The following FBXW4 variants were observed in gnomAD, a reference collection of about 807,000 sequenced individuals.
FBXW4 encodes the protein F-box and WD repeat domain containing 4.
FBXW4 carries 40 observed loss-of-function variants against 61.8 expected under a neutral mutation model. The ratio of observed to expected loss-of-function variants is 0.65; its 90% CI spans 0.50 to 0.84. The LOEUF (loss-of-function observed/expected upper bound fraction) is 0.84. Among genes scored for constraint, FBXW4 ranks in the 40% least tolerant of loss-of-function variants. The probability of loss-of-function intolerance (pLI) is 0.00; values close to 1 mark genes in which losing one functional copy is unlikely to be tolerated. For synonymous variants in FBXW4, 311 were observed against 313.8 expected (o/e 0.99, Z 0.10); for missense variants, 672 against 753.8 (o/e 0.89, Z 1.27).
chr10:101,666,178 T>A (rs1370118695), intron 5 of FBXW4, among the ~76,000 whole-genome samples: 3 of 152,170 alleles, frequency 2.0e-5, no homozygotes, highest in Non-Finnish European at 4.4e-5. Flanking sequence ...GCCTCTCCAC[T>A]CCCTGCTGGT....
At chr10:101,616,848 C>T (rs987247525) in intron 6 of FBXW4, among the ~76,000 whole-genome samples, 13 of 152,200 alleles carry the variant, frequency 8.5e-5, no homozygotes, top group Non-Finnish European at 1.8e-4. Flanking sequence ...TAGTCCAGGC[C>T]CCGATTGTAG....
At chr10:101,667,117 G>C (rs2064310188) in intron 5 of FBXW4, among the ~76,000 whole-genome samples, 1 of 151,556 alleles carries the variant, frequency 6.6e-6, no homozygotes, top group South Asian at 2.1e-4. Context: ...TGTAGTCCCA[G>C]CTACTCGGGA....
At chr10:101,642,209 T>C (rs2064059278) in intron 5 of FBXW4, among the ~76,000 whole-genome samples, 1 of 151,674 alleles carries the variant, frequency 6.6e-6, no homozygotes. Flanking sequence ...TGTGTATGTG[T>C]TTAGGATATA....
intron 5 of FBXW4, among the ~76,000 whole-genome samples, chr10:101,636,054 AGAATT>A (rs2063998917): frequency 6.6e-6 from 1 of 152,180 alleles, no homozygotes; most frequent in South Asian, 2.1e-4. Context: ...GCCTCTAGTA[AGAATT>A]GCAAATTAGG....
At chr10:101,617,842 AG>A (rs961494598) in intron 6 of FBXW4, among the ~76,000 whole-genome samples, 3 of 152,230 alleles carry the variant, frequency 2.0e-5, no homozygotes, top group African/African-American at 7.2e-5. Context: ...GAAAAAGTTA[AG>A]GGGGGAGAAA....
chr10:101,641,080 C>T (rs1417942078), intron 5 of FBXW4, among the ~76,000 whole-genome samples: 3 of 152,180 alleles, frequency 2.0e-5, no homozygotes, highest in African/African-American at 2.4e-5. Flanking sequence ...ATCCACCCAC[C>T]TCGGCCTCCC....
At chr10:101,616,899 G>A (rs766068960) in intron 6 of FBXW4, among the ~76,000 whole-genome samples, 19 of 152,250 alleles carry the variant, frequency 1.2e-4, no homozygotes, top group Non-Finnish European at 2.5e-4. Context: ...TGACAATGTC[G>A]TATAGCAAGG....
intron 5 of FBXW4, among the ~76,000 whole-genome samples, chr10:101,632,917 T>C (rs191452865): frequency 6.6e-6 from 1 of 152,142 alleles, no homozygotes; most frequent in Admixed American, 6.5e-5. Context: ...GACAATATAA[T>C]TGTCTGCCTA....
chr10:101,676,556 G>C (rs2064410687), intron 1 of FBXW4, 120 bp from the exon 2 acceptor site: 3 of 692,538 alleles, frequency 4.3e-6, no homozygotes, highest in Admixed American at 2.5e-5. Context: ...GAGATTAGGA[G>C]ACCAGGAAGG....
intron 6 of FBXW4, among the ~76,000 whole-genome samples, chr10:101,618,453 G>C (rs1293337025): frequency 6.6e-6 from 1 of 152,174 alleles, no homozygotes; most frequent in Non-Finnish European, 1.5e-5. Flanking sequence ...GCTCAGAGGA[G>C]AAAAATCTAG....
intron 5 of FBXW4, among the ~76,000 whole-genome samples, chr10:101,667,425 G>A (rs1194955878): frequency 6.6e-6 from 1 of 152,178 alleles, no homozygotes; most frequent in East Asian, 1.9e-4. Context: ...TGGGCCCCAA[G>A]CCTCTCCTGA....
In FBXW4 at chr10:101,660,199, G is replaced by T. The variant is rs955934777; in HGVS notation, c.1235+7687C>A. On this transcript the variant is annotated intron_variant, in intron 5 of 8. Transcript: ENST00000331272. ...GCACCTTCATTTGAGGAGTAACACCGACATCCTGACTATTACATCTTGTAC... is the reference window on the plus strand; with the variant it reads ...GCACCTTCATTTGAGGAGTAACACCTACATCCTGACTATTACATCTTGTAC... 4.1e-6 allele frequency: 4 copies of T among 985,172 alleles called. No individual in the cohort carries two copies. The African/African-American group carries it at 7.0e-5, about 17-fold the overall frequency. 61.0% of individuals were successfully genotyped at this position (985,172 alleles called of 1,614,324 possible). A position where few individuals can be genotyped will look rare whatever the true frequency, so the allele number is the denominator to read the frequency against.
intron 5 of FBXW4, among the ~76,000 whole-genome samples, chr10:101,630,806 A>G (rs1339959012): frequency 3.9e-5 from 6 of 152,158 alleles, no homozygotes; most frequent in Non-Finnish European, 8.8e-5. Context: ...AAGGAAATAG[A>G]TGTGATGGGA....
At chr10:101,619,521 C>T (rs959348757) in intron 6 of FBXW4, among the ~76,000 whole-genome samples, 3 of 151,884 alleles carry the variant, frequency 2.0e-5, no homozygotes, top group Admixed American at 6.6e-5. Flanking sequence ...TAGCCAGGCG[C>T]GGTGGCAGGC....
rs866076009 is a variant in FBXW4 at position 101,611,559 on chromosome 10, C to A, written c.1584+69G>T. 5.3e-5 allele frequency: 85 copies of A among 1,590,488 alleles called. No individual in the cohort carries two copies. The African/African-American group carries it at 9.7e-4, about 18-fold the overall frequency. ...TCTAGGCACGTCCTTGGCTACCTCA[C>A]CCTCTCCCAAATGCAGCCCATAATC... is the stretch of plus-strand genomic sequence containing the variant. On this transcript the variant is annotated intron_variant, in intron 8 of 8. Coordinates refer to ENST00000331272, the MANE Select transcript of FBXW4 (RefSeq NM_022039.4). This position sits in a 1 kb window ranked among gnomAD's most constrained non-coding sequence, Gnocchi z 4.9.
chr10:101,627,525 C>T (rs1160745828), intron 5 of FBXW4, among the ~76,000 whole-genome samples: 1 of 152,082 alleles, frequency 6.6e-6, no homozygotes, highest in Non-Finnish European at 1.5e-5. Flanking sequence ...CCATTCTTGC[C>T]CCCCACCCCA....
chr10:101,677,215 C>A (rs1389781027), intron 1 of FBXW4, among the ~76,000 whole-genome samples: 1 of 152,072 alleles, frequency 6.6e-6, no homozygotes, highest in African/African-American at 2.4e-5. Flanking sequence ...AAAAGACTTA[C>A]ACAAGAATGT....
chr10:101,624,049 G>A (rs139406458), intron 6 of FBXW4, among the ~76,000 whole-genome samples: 125 of 151,698 alleles, frequency 8.2e-4, no homozygotes, highest in African/African-American at 2.4e-3. Context: ...GAATCTACAC[G>A]TGATACAATT....
intron 1 of FBXW4, among the ~76,000 whole-genome samples, chr10:101,688,609 C>T (rs1008255837): frequency 2.0e-5 from 3 of 152,170 alleles, no homozygotes; most frequent in Admixed American, 2.0e-4. Context: ...TTCTTAATTA[C>T]CATAACCATT....
Sources: gnomAD v4.1 joint callset for allele counts (sites outside exome capture counted in the v4.1 genomes callset) on GRCh38, gnomAD v4.1.1 for gene constraint, Gnocchi (gnomAD v3.1) non-coding constraint, MANE v1.5 for transcripts, NCBI Gene and HGNC (gene_info 2026-07-23, HGNC 2026-07-21) for gene names.